BMPR1A: variants seen among roughly 807,000 people sequenced by gnomAD.
BMPR1A encodes the protein bone morphogenetic protein receptor type 1A, also known as bone morphogenetic protein receptor type-1A.
A neutral mutation model predicts 66.0 loss-of-function variants in BMPR1A; 7 were observed. The ratio of observed to expected loss-of-function variants is 0.11; its 90% CI spans 0.06 to 0.20. BMPR1A has a LOEUF of 0.20. Among genes scored for constraint, BMPR1A ranks in the 10% least tolerant of loss-of-function variants. The pLI, the probability that BMPR1A is intolerant of heterozygous loss-of-function variation, is 1.00. For missense variants in BMPR1A, 408 were observed against 669.1 expected, an observed-to-expected ratio of 0.61 and a Z score of 4.31; for synonymous variants, 200 against 229.7, an observed-to-expected ratio of 0.87 and a Z score of 1.17.
chr10:86,893,787 C>CA lies in BMPR1A; in HGVS notation c.333+1570dup, dbSNP rs57732446. 4.5e-3 allele frequency among the ~76,000 whole-genome samples: 599 copies of CA among 133,366 alleles called. 2 individuals are homozygous for CA. Among genetic ancestry groups the CA allele is most frequent in the African/African-American group, 0.011 (378 of 35,552 alleles). The allele number at this position is 133,366 out of a possible 152,430, so 87.5% of individuals were successfully genotyped here. On this transcript the variant is annotated intron_variant, in intron 5 of 12. Coordinates refer to ENST00000372037, the MANE Select transcript of BMPR1A (RefSeq NM_004329.3). ...TGGGCAACAGAGCGAGACTCTGTCT[C>CA]AAAAAAAAAAAAGAAAAGAAATTCT...
At chr10:86,871,267 A>G (rs1842851879) in intron 2 of BMPR1A, among the ~76,000 whole-genome samples, 1 of 152,064 alleles carries the variant, frequency 6.6e-6, no homozygotes, top group African/African-American at 2.4e-5. Context: ...CTTTGCACTT[A>G]TCATGAGTTA....
Position 86,924,784 on chromosome 10 carries a change from T to A in BMPR1A, c.*1065T>A. The A allele has an allele frequency of 4.3e-6, 1 of 232,772 alleles. No individual in the cohort carries two copies. The highest frequency in any genetic ancestry group is 8.5e-6 in the Non-Finnish European group (1 of 117,790). 14.4% of individuals were successfully genotyped at this position (232,772 alleles called of 1,614,324 possible). The stretch of plus-strand genomic sequence containing the variant: ...TACTTTATATATGTACATACATTCA[T>A]ACTGTAGAAACCAGCTCATGTGTAC... On this transcript the variant is annotated 3_prime_UTR_variant, in exon 13 of 13. Transcript: ENST00000372037.
intron 1 of BMPR1A, among the ~76,000 whole-genome samples, chr10:86,820,155 A>G (rs1396924918): frequency 6.6e-6 from 1 of 151,986 alleles, no homozygotes; most frequent in Non-Finnish European, 1.5e-5. Context: ...TGGTTCTCTC[A>G]CCTCAGCCTC....
At chr10:86,883,731 T>C (rs1379142690) in intron 3 of BMPR1A, among the ~76,000 whole-genome samples, 1 of 151,090 alleles carries the variant, frequency 6.6e-6, no homozygotes, top group Non-Finnish European at 1.5e-5. Context: ...GATCGTGCCA[T>C]TGTACTCCAG....
intron 2 of BMPR1A, among the ~76,000 whole-genome samples, chr10:86,867,686 A>C (rs1009176319): frequency 1.3e-5 from 2 of 152,228 alleles, no homozygotes; most frequent in Non-Finnish European, 2.9e-5. Flanking sequence ...TGATGTTTTG[A>C]AAACAGATTA....
At chr10:86,779,880 G>T (rs1236838193) in intron 1 of BMPR1A, among the ~76,000 whole-genome samples, 1 of 152,154 alleles carries the variant, frequency 6.6e-6, no homozygotes, top group Non-Finnish European at 1.5e-5. Context: ...GGGACTACAG[G>T]TGTGAGCCAC....
intron 3 of BMPR1A, 79 bp from the exon 4 acceptor site, chr10:86,889,983 C>T: frequency 1.3e-6 from 2 of 1,514,000 alleles, no homozygotes; most frequent in Non-Finnish European, 1.8e-6. Context: ...AGCTTAACAA[C>T]TTTTTCTCAT....
intron 2 of BMPR1A, among the ~76,000 whole-genome samples, chr10:86,847,008 C>T (rs1241738415): frequency 6.6e-6 from 1 of 152,108 alleles, no homozygotes; most frequent in Non-Finnish European, 1.5e-5. Context: ...GAGTCTCGCT[C>T]TGCTCTCTGC....
At chr10:86,790,162 CAAAAAAAAAAAAAA>C (rs1170317792) in intron 1 of BMPR1A, among the ~76,000 whole-genome samples, 60 of 7,204 alleles carry the variant, frequency 8.3e-3, no homozygotes, top group African/African-American at 0.02. Flanking sequence ...ACTCTGTCTC[CAAAAAAAAAAAAAA>C]AAAAAAAAAA....
intron 3 of BMPR1A, among the ~76,000 whole-genome samples, chr10:86,877,137 A>G (rs546179566): frequency 6.6e-6 from 1 of 152,138 alleles, no homozygotes; most frequent in Non-Finnish European, 1.5e-5. Flanking sequence ...TGTTTTGATC[A>G]CAGTGATCTG....
intron 2 of BMPR1A, among the ~76,000 whole-genome samples, chr10:86,840,308 C>G (rs192534595): frequency 1.3e-3 from 192 of 152,240 alleles, no homozygotes; most frequent in East Asian, 1.2e-3. Flanking sequence ...TGGATTAGAT[C>G]TTCTAAAAAA....
chr10:86,851,872 G>T (rs1370494145), intron 2 of BMPR1A, among the ~76,000 whole-genome samples: 3 of 152,158 alleles, frequency 2.0e-5, no homozygotes, highest in Admixed American at 6.5e-5. Context: ...TAATTTTATC[G>T]TATGAAATGA....
chr10:86,881,670 G>C (rs1172182001), intron 3 of BMPR1A, among the ~76,000 whole-genome samples: 2 of 152,178 alleles, frequency 1.3e-5, no homozygotes, highest in African/African-American at 4.8e-5. Flanking sequence ...AATGATGCCA[G>C]GAGGATGTGA....
chr10:86,806,719 AT>A (rs964569239), intron 1 of BMPR1A, among the ~76,000 whole-genome samples: 32 of 148,612 alleles, frequency 2.2e-4, no homozygotes, highest in African/African-American at 4.7e-4. Context: ...ACCTGACGAA[AT>A]TTTTTTTTTT....
chr10:86,840,843 T>G (rs1054164539), intron 2 of BMPR1A, among the ~76,000 whole-genome samples: 13 of 152,204 alleles, frequency 8.5e-5, no homozygotes, highest in Non-Finnish European at 1.3e-4. Flanking sequence ...CAGTTTTACC[T>G]CTCTAATGTA....
At chr10:86,819,218 A>ATC (rs1410078203) in intron 1 of BMPR1A, among the ~76,000 whole-genome samples, 1 of 152,104 alleles carries the variant, frequency 6.6e-6, no homozygotes, top group African/African-American at 2.4e-5. Context: ...ATCTCTGGAG[A>ATC]TCTCTGTATG....
intron 1 of BMPR1A, among the ~76,000 whole-genome samples, chr10:86,802,998 C>T (rs1354348110): frequency 9.3e-5 from 9 of 96,654 alleles, no homozygotes; most frequent in African/African-American, 3.5e-4. Context: ...GAGCAAGACC[C>T]GGTCTCAAAA....
At chr10:86,885,976 CTT>C (rs1379964727) in intron 3 of BMPR1A, among the ~76,000 whole-genome samples, 5 of 152,080 alleles carry the variant, frequency 3.3e-5, no homozygotes, top group African/African-American at 4.8e-5. Context: ...TCATGTGTCT[CTT>C]GTAACTGTTT....
chr10:86,760,188 G>GTTTTTTTTTTTTTTTTTTTTTTTCCTT (rs58326501), intron 1 of BMPR1A, among the ~76,000 whole-genome samples: 1 of 53,380 alleles, frequency 1.9e-5, no homozygotes, highest in African/African-American at 9.4e-5. Flanking sequence ...AGATTTACCT[G>GTTTTTTTTTTTTTTTTTTTTTTTCCTT]TTTTTTTTTT....
Sources: gnomAD v4.1 joint callset for allele counts (sites outside exome capture counted in the v4.1 genomes callset) on GRCh38, gnomAD v4.1.1 for gene constraint, MANE v1.5 for transcripts, NCBI Gene and HGNC (gene_info 2026-07-23, HGNC 2026-07-21) for gene names.